The following DLGAP1 variants were observed in gnomAD, a reference collection of about 807,000 sequenced individuals.
DLGAP1 encodes DLG associated protein 1, also known as disks large-associated protein 1.
DLGAP1 carries 11 observed loss-of-function variants against 90.8 expected under a neutral mutation model. The ratio of observed to expected loss-of-function variants is 0.12; its 90% confidence interval spans 0.08 to 0.20. DLGAP1 has a LOEUF of 0.20. Among genes scored for constraint, DLGAP1 ranks in the 10% least tolerant of loss-of-function variants. The pLI is 1.00. For synonymous variants in DLGAP1, 558 were observed against 540.7 expected (o/e 1.03, Z -0.44); for missense variants, 1,050 against 1,333.8 (o/e 0.79, Z 3.31).
chr18:3,579,218 C>T (rs2055341979), intron 8 of DLGAP1, among the ~76,000 whole-genome samples: 1 of 152,110 alleles, frequency 6.6e-6, no homozygotes, highest in African/African-American at 2.4e-5. Flanking sequence ...TTAAAACGGT[C>T]TTTCTTTTTG....
intron 4 of DLGAP1, chr18:3,874,159 C>A: frequency 1.3e-6 from 2 of 1,550,058 alleles, no homozygotes; most frequent in South Asian, 2.4e-5. Context: ...CAAACCTGGT[C>A]AGTCCTTCCA....
chr18:3,800,677 A>G (rs1379340483), intron 5 of DLGAP1, among the ~76,000 whole-genome samples: 1 of 152,190 alleles, frequency 6.6e-6, no homozygotes, highest in Non-Finnish European at 1.5e-5. Context: ...ACTTTAACAC[A>G]TTATTAAAAT....
At chr18:4,437,940 C>T (rs1010367192) in intron 1 of DLGAP1, among the ~76,000 whole-genome samples, 11 of 152,182 alleles carry the variant, frequency 7.2e-5, no homozygotes, top group Non-Finnish European at 1.6e-4. Flanking sequence ...GGCATTTCTA[C>T]TTGCTTCTTA....
chr18:4,430,494 T>TTGTGCGTCTG (rs1555617617), intron 1 of DLGAP1: 1 of 73,234 alleles, frequency 1.4e-5, no homozygotes, highest in East Asian at 4.3e-4. Flanking sequence ...GTAAATAGTC[T>TTGTGCGTCTG]TGTGTGTCTG....
chr18:3,519,074 A>T (rs182910440), intron 10 of DLGAP1, among the ~76,000 whole-genome samples: 26 of 152,256 alleles, frequency 1.7e-4, no homozygotes, highest in African/African-American at 6.3e-4. Context: ...CAGCCATCAG[A>T]GCTAGAACAG....
intron 7 of DLGAP1, among the ~76,000 whole-genome samples, chr18:3,598,634 A>G (rs1184126454): frequency 6.6e-6 from 1 of 151,554 alleles, no homozygotes; most frequent in African/African-American, 2.4e-5. Flanking sequence ...CGCCCAGCTA[A>G]TTTTTGTATT....
intron 7 of DLGAP1, among the ~76,000 whole-genome samples, chr18:3,644,885 G>C (rs1789266248): frequency 6.6e-6 from 1 of 152,074 alleles, no homozygotes; most frequent in Non-Finnish European, 1.5e-5. Context: ...ATATTACTAA[G>C]ACATATTGTT....
intron 2 of DLGAP1, among the ~76,000 whole-genome samples, chr18:4,100,291 TATAGCTCC>T (rs2075759314): frequency 6.6e-6 from 1 of 152,208 alleles, no homozygotes; most frequent in South Asian, 2.1e-4. Context: ...GATCTCCCTG[TATAGCTCC>T]ATCAGAGCTC....
At chr18:3,839,778 TC>T (rs1336619378) in intron 4 of DLGAP1, among the ~76,000 whole-genome samples, 1 of 152,190 alleles carries the variant, frequency 6.6e-6, no homozygotes, top group Non-Finnish European at 1.5e-5. Context: ...AGAAAACAGC[TC>T]CTTTTGTTTC....
At chr18:3,655,608 A>G (rs1434861021) in intron 7 of DLGAP1, 1 of 153,816 alleles carries the variant, frequency 6.5e-6, no homozygotes, top group East Asian at 1.9e-4. Context: ...CCGCAATGAG[A>G]CCGGCAAATG....
At chr18:3,753,187 T>C (rs902795290) in intron 5 of DLGAP1, among the ~76,000 whole-genome samples, 1 of 152,182 alleles carries the variant, frequency 6.6e-6, no homozygotes, top group Admixed American at 6.5e-5. Context: ...AACTCATTTA[T>C]CCAAGAAAAA....
At position 3,525,090 on chromosome 18, in the gene DLGAP1, GA is replaced by G. The variant is rs71366675; in HGVS notation, c.2479+9103del. On this transcript the variant is annotated intron_variant, in intron 10 of 12. Coordinates refer to ENST00000315677, the MANE Select transcript of DLGAP1 (RefSeq NM_004746.4). ...CCAGAGTTTCCACAGTGTTCTGGGG[GA>G]AAAAAAAAAAAATCAACAACATTAT... Among the ~76,000 whole-genome samples, 235 of 131,104 alleles carry G rather than the reference GA, an allele frequency of 1.8e-3. 1 individual carries two copies. The highest frequency in any genetic ancestry group is 6.6e-3 in the East Asian group (31 of 4,714). 86.0% of individuals were successfully genotyped at this position (131,104 alleles called of 152,430 possible). A position where few individuals can be genotyped will look rare whatever the true frequency, so the allele number is the denominator to read the frequency against.
chr18:4,372,064 C>A (rs1054513144), intron 1 of DLGAP1, among the ~76,000 whole-genome samples: 1 of 152,212 alleles, frequency 6.6e-6, no homozygotes, highest in African/African-American at 2.4e-5. Flanking sequence ...CAAAGATATT[C>A]TTAAAAGCCA....
At chr18:3,578,078 A>G (rs1185887079) in intron 8 of DLGAP1, among the ~76,000 whole-genome samples, 1 of 152,230 alleles carries the variant, frequency 6.6e-6, no homozygotes, top group African/African-American at 2.4e-5. Context: ...AATGTACCAT[A>G]TGAAATAAGG....
chr18:3,606,061 T>A (rs908535415), intron 7 of DLGAP1, among the ~76,000 whole-genome samples: 3 of 152,182 alleles, frequency 2.0e-5, no homozygotes, highest in African/African-American at 7.2e-5. Context: ...TGGAGAGATA[T>A]TCAGATTTCA....
chr18:4,305,530 G>A (rs1433487258), intron 1 of DLGAP1, among the ~76,000 whole-genome samples: 3 of 120,086 alleles, frequency 2.5e-5, no homozygotes, highest in African/African-American at 9.7e-5. Flanking sequence ...GCAAAACTCC[G>A]TCTCAAAAAA....
In DLGAP1 at chr18:3,817,493, G is replaced by A. The variant is rs568929168; in HGVS notation, c.958-3220C>T. Among the ~76,000 whole-genome samples the A allele has an allele frequency of 1.5e-3, 221 of 152,268 alleles. 1 individual carries two copies. The highest frequency in any genetic ancestry group is 5.1e-3 in the African/African-American group (213 of 41,540). On this transcript the variant is annotated intron_variant, in intron 4 of 12. Transcript: ENST00000315677. The stretch of plus-strand genomic sequence containing the variant: ...TATACCTAAAGGTAGCATACAACAA[G>A]ATTACACATAAAATAATACAGTAAT...
chr18:3,595,365 A>T, intron 7 of DLGAP1, among the ~76,000 whole-genome samples: 1 of 152,320 alleles, frequency 6.6e-6, no homozygotes, highest in East Asian at 1.9e-4. Flanking sequence ...AAAACTTCTA[A>T]TCTGGACTTC....
rs146718555 is a variant in DLGAP1, at chr18:3,944,975, T to C, written c.-73+60141A>G. 7.1e-4 allele frequency among the ~76,000 whole-genome samples: 108 copies of C among 152,348 alleles called. 1 individual carries two copies. Among genetic ancestry groups the C allele is most frequent in the African/African-American group, 2.5e-3 (103 of 41,592 alleles). On this transcript the variant is annotated intron_variant, in intron 3 of 12. Transcript: ENST00000315677. ...AAATACACAATTGGGTGGCCTTTTA[T>C]ATTAACTTTGTTTTCTTCTCAAAAA...
Sources: gnomAD v4.1 joint callset for allele counts (sites outside exome capture counted in the v4.1 genomes callset) on GRCh38, gnomAD v4.1.1 for gene constraint, MANE v1.5 for transcripts, NCBI Gene and HGNC (gene_info 2026-07-23, HGNC 2026-07-21) for gene names.